Variants in SETX observed in about 807,000 individuals in gnomAD.
SETX encodes senataxin.
Under a neutral mutation model 227.2 loss-of-function variants are expected in SETX, and 90 were observed. That is an observed-to-expected ratio of 0.40 (90% CI 0.33 to 0.47). The LOEUF is 0.47. Among genes scored for constraint, SETX ranks in the 20% least tolerant of loss-of-function variants. SETX has a pLI of 0.91. For missense variants in SETX, 3,052 were observed against 3,181.5 expected (o/e 0.96, Z 0.98); for synonymous variants, 1,210 against 1,113.2 (o/e 1.09, Z -1.73).
chr9:132,337,095 G>GT (rs573857220), intron 5 of SETX, among the ~76,000 whole-genome samples: 118 of 151,468 alleles, frequency 7.8e-4, no homozygotes, highest in African/African-American at 2.4e-3. Flanking sequence ...AATATTTTTC[G>GT]TTTTTTTTAA....
Position 132,327,039 on chromosome 9 carries a change from A to C in SETX, c.4559T>G (p.Ile1520Ser), listed in dbSNP as rs767954870. ...SQMENDNYKLIELIHGKDTVE... is the reference protein window; with the variant it reads ...SQMENDNYKLSELIHGKDTVE... ...TGTATCTTTTCCATGAATTAGTTCA[A>C]TGAGTTTATAATTGTCATTCTCCAT... Residue 1520 changes from isoleucine (I) to serine (S), a missense_variant, in exon 10 of 26, where the codon ATT becomes AGT. By Grantham distance (142) the Ile-to-Ser change is moderately radical. Coordinates refer to ENST00000224140, the MANE Select transcript of SETX (RefSeq NM_015046.7). 1.2e-6 allele frequency: 2 copies of C among 1,614,068 alleles called. No individual in the cohort carries two copies. Among genetic ancestry groups the C allele is most frequent in the African/African-American group, 2.7e-5 (2 of 74,936 alleles).
intron 10 of SETX, among the ~76,000 whole-genome samples, chr9:132,314,906 GTTTTTTT>G (rs559979271): frequency 4.5e-5 from 4 of 88,478 alleles, no homozygotes; most frequent in Admixed American, 2.8e-4. Context: ...ATTTTATTGT[GTTTTTTT>G]TTTTTTTTTT....
In SETX at chr9:132,331,289, T is replaced by G. The variant is rs538829833; in HGVS notation, c.998A>C (p.Asn333Thr). The G allele has an allele frequency of 1.9e-6, 3 of 1,614,138 alleles. No homozygotes were observed. Among genetic ancestry groups the G allele is most frequent in the South Asian group, 1.1e-5 (1 of 91,086 alleles). The change falls in exon 8 of 26, where the codon AAC (asparagine) becomes ACC (threonine). Residue 333 changes from asparagine to threonine, a missense_variant. By Grantham distance (65) the Asn-to-Thr change is moderately conservative (BLOSUM62 0). Around this residue, in one of 10 missense-constraint regions of SETX, gnomAD observed 239 missense variants for 240.8 expected, o/e 0.99. Coordinates refer to ENST00000224140, the MANE Select transcript of SETX (RefSeq NM_015046.7). Reference protein sequence around the residue: ...SYNREIRHIRNSSVRTKLEPE... With the variant: ...SYNREIRHIRTSSVRTKLEPE... Reference sequence around the variant, plus strand: ...TAGCTGAACTAACCTTACAGAGCTGTTCCGTATATGTCGGATCTCTCTATT... The same window carrying G: ...TAGCTGAACTAACCTTACAGAGCTGGTCCGTATATGTCGGATCTCTCTATT...
At chr9:132,355,170 C>G (rs1208110020), upstream of SETX, among the ~76,000 whole-genome samples, 1 of 152,108 alleles carries the variant, frequency 6.6e-6, no homozygotes, top group Admixed American at 6.5e-5. Context: ...GCGTCACGTC[C>G]GGGCAGCTGG....
rs763830101 is a variant in SETX, at chr9:132,346,241, G to A, written c.388+20C>T. ...AAATAATAAAACTGATATAACTTGAGGAACCATCAAGATACTCACTAACAC... is the reference window on the plus strand; with the variant it reads ...AAATAATAAAACTGATATAACTTGAAGAACCATCAAGATACTCACTAACAC... On this transcript the variant is annotated intron_variant, in intron 4 of 25. Transcript: ENST00000224140. 3.2e-6 allele frequency: 5 copies of A among 1,565,644 alleles called. No homozygotes were observed. The highest frequency in any genetic ancestry group is 1.1e-5 in the South Asian group (1 of 90,030).
Position 132,335,001 on chromosome 9 carries a change from G to A in SETX, c.719-274C>T, listed in dbSNP as rs77464935. ...CAATATAAGATGCCTTCAATTTTAA[G>A]ATGTACCATATTCCATATACCACTA... On this transcript the variant is annotated intron_variant, in intron 6 of 25. Coordinates refer to ENST00000224140, the MANE Select transcript of SETX (RefSeq NM_015046.7). Among the ~76,000 whole-genome samples the A allele has an allele frequency of 1.5e-3, 222 of 151,622 alleles. 6 individuals are homozygous for A. In the East Asian group the frequency reaches 0.037, roughly 25 times the overall value.
At chr9:132,271,287 G>A in intron 24 of SETX, among the ~76,000 whole-genome samples, 1 of 152,212 alleles carries the variant, frequency 6.6e-6, no homozygotes, top group East Asian at 1.9e-4. Context: ...ACCAAGGCCG[G>A]GCGCAGTGAC....
At chr9:132,313,344 A>G (rs1195346727) in intron 10 of SETX, among the ~76,000 whole-genome samples, 1 of 152,194 alleles carries the variant, frequency 6.6e-6, no homozygotes, top group Non-Finnish European at 1.5e-5. Context: ...TACCTAGAAG[A>G]TCCTAGATAG....
Position 132,281,861 on chromosome 9 carries a change from C to A in SETX, c.6547-287G>T, listed in dbSNP as rs10441804. Among the ~76,000 whole-genome samples, 67,293 of 151,446 alleles carry A rather than the reference C, an allele frequency of 0.44. 18,014 individuals carry two copies. The highest frequency in any genetic ancestry group is 0.75 in the African/African-American group (30,813 of 41,342). ...CAAGACCAGCCTGGCCAACATGGCG[C>A]AACCAAAAAAATTAGCTGGGCGTGG... is the stretch of plus-strand genomic sequence containing the variant. On this transcript the variant is annotated intron_variant, in intron 19 of 25. Coordinates refer to ENST00000224140, the MANE Select transcript of SETX (RefSeq NM_015046.7).
intron 10 of SETX, among the ~76,000 whole-genome samples, chr9:132,314,769 AATATT>A (rs1165457458): frequency 6.6e-6 from 1 of 152,010 alleles, no homozygotes; most frequent in Non-Finnish European, 1.5e-5. Context: ...CAAATAGTTG[AATATT>A]ATGTTTTGAT....
intron 25 of SETX, among the ~76,000 whole-genome samples, chr9:132,267,867 T>C (rs1334380474): frequency 6.6e-6 from 1 of 152,122 alleles, no homozygotes; most frequent in Non-Finnish European, 1.5e-5. Flanking sequence ...GCCTCATCCA[T>C]CCAGAGTGCA....
In SETX at chr9:132,277,172, G is replaced by A. The variant is rs755403286; in HGVS notation, c.6843-20C>T. 5.8e-6 allele frequency: 9 copies of A among 1,544,144 alleles called. No homozygotes were observed. Among genetic ancestry groups the A allele is most frequent in the Non-Finnish European group, 8.0e-6 (9 of 1,122,106 alleles). On this transcript the variant is annotated intron_variant, in intron 21 of 25. Transcript: ENST00000224140. ...GTCTGTCTGTAAAAAAAAAAAAGCAGTCAACATTCAGAATAAAGTCAAGAT... is the reference window on the plus strand; with the variant it reads ...GTCTGTCTGTAAAAAAAAAAAAGCAATCAACATTCAGAATAAAGTCAAGAT...
chr9:132,325,334 C>G (rs1333247044), intron 10 of SETX, among the ~76,000 whole-genome samples: 1 of 151,446 alleles, frequency 6.6e-6, no homozygotes, highest in African/African-American at 2.4e-5. Flanking sequence ...CCAGCCTGGG[C>G]GACAGAGCGA....
chr9:132,323,251 C>T (rs530969810), intron 10 of SETX, among the ~76,000 whole-genome samples: 1 of 152,230 alleles, frequency 6.6e-6, no homozygotes, highest in Non-Finnish European at 1.5e-5. Context: ...GATTAACTAA[C>T]GTACCTGATC....
In SETX at chr9:132,271,741, C is replaced by T. The variant is rs1564471215; in HGVS notation, c.7168G>A (p.Val2390Ile). The stretch of plus-strand genomic sequence containing the variant: ...GAACCTTGGATGCTATTTGCTCTGA[C>T]ACACGTAACAATAACACAATCCTTC... Reference protein sequence around the residue: ...RQKDCVIVTCVRANSIQGSIG... With the variant: ...RQKDCVIVTCIRANSIQGSIG... The change falls in exon 24 of 26, where the codon GTC becomes ATC. Residue 2390 changes from valine to isoleucine, a missense_variant. Coordinates refer to ENST00000224140, the MANE Select transcript of SETX (RefSeq NM_015046.7). 5 of 1,614,094 alleles carry T rather than the reference C, an allele frequency of 3.1e-6. No homozygotes were observed. The highest frequency in any genetic ancestry group is 4.2e-6 in the Non-Finnish European group (5 of 1,180,008).
intron 10 of SETX, among the ~76,000 whole-genome samples, chr9:132,321,136 C>A (rs1846300117): frequency 6.6e-6 from 1 of 152,226 alleles, no homozygotes. Context: ...TCTTCCCACA[C>A]TCAGCTCCCT....
intron 2 of SETX, among the ~76,000 whole-genome samples, chr9:132,353,045 T>G (rs796325714): frequency 2.6e-5 from 4 of 152,296 alleles, no homozygotes; most frequent in African/African-American, 9.6e-5. Context: ...AATGATCTAT[T>G]TCTTCTTTGA....
chr9:132,348,223 G>A (rs1215576825), intron 3 of SETX, among the ~76,000 whole-genome samples: 4 of 151,550 alleles, frequency 2.6e-5, no homozygotes, highest in Non-Finnish European at 4.4e-5. Context: ...GCCGGGTGTG[G>A]TGGCACGTGC....
intron 2 of SETX, among the ~76,000 whole-genome samples, chr9:132,353,209 T>C (rs1848690169): frequency 6.6e-6 from 1 of 152,076 alleles, no homozygotes; most frequent in Non-Finnish European, 1.5e-5. Context: ...TTCCACATCA[T>C]CTCTTTCCTC....
Sources: allele counts gnomAD v4.1 joint callset (sites outside exome capture counted in the v4.1 genomes callset), GRCh38; gene constraint gnomAD v4.1.1; regional missense constraint gnomAD v4.1.1; transcripts MANE v1.5; gene names NCBI Gene and HGNC (gene_info 2026-07-23, HGNC 2026-07-21).